The following WDPCP variants were observed in gnomAD, a reference collection of about 807,000 sequenced individuals.
WDPCP encodes WD repeat-containing and planar cell polarity effector protein fritz homolog.
A neutral mutation model predicts 93.1 loss-of-function variants in WDPCP; 71 were observed. The ratio of observed to expected loss-of-function variants is 0.76; its 90% confidence interval spans 0.63 to 0.93. The LOEUF (loss-of-function observed/expected upper bound fraction) is 0.93, where lower values mean the gene tolerates loss of function less well. Among genes scored for constraint, WDPCP ranks in the 40% least tolerant of loss-of-function variants. The pLI is 0.00. For synonymous variants in WDPCP, 315 were observed against 315.0 expected, an observed-to-expected ratio of 1.00 and a Z score of 0.00; for missense variants, 844 against 887.4, an observed-to-expected ratio of 0.95 and a Z score of 0.62.
intron 2 of WDPCP, among the ~76,000 whole-genome samples, chr2:63,718,479 G>A (rs1459737278): frequency 6.6e-6 from 1 of 152,064 alleles, no homozygotes; most frequent in East Asian, 1.9e-4. Flanking sequence ...ATCTCGTGGT[G>A]TTAATTTGCA....
At chr2:63,636,296 CA>C (rs1200104416) in intron 3 of WDPCP, among the ~76,000 whole-genome samples, 1 of 152,050 alleles carries the variant, frequency 6.6e-6, no homozygotes, top group Non-Finnish European at 1.5e-5. Flanking sequence ...TCAATAGATT[CA>C]ATACAATCTT....
At chr2:63,510,652 G>A (rs60183345) in intron 1 of WDPCP, among the ~76,000 whole-genome samples, 227 of 152,316 alleles carry the variant, frequency 1.5e-3, no homozygotes, top group African/African-American at 5.1e-3. Context: ...ATCTCTGTTT[G>A]CAGATGACAT....
intron 12 of WDPCP, among the ~76,000 whole-genome samples, chr2:63,332,345 T>C (rs945243332): frequency 2.5e-4 from 38 of 152,088 alleles, no homozygotes; most frequent in African/African-American, 7.2e-4. Flanking sequence ...ACATCTTATA[T>C]ATCCAAGAGC....
At chr2:63,522,070 C>CAT (rs1558749582) in intron 1 of WDPCP, among the ~76,000 whole-genome samples, 2 of 151,864 alleles carry the variant, frequency 1.3e-5, no homozygotes, top group African/African-American at 4.8e-5. Flanking sequence ...TTTTGGGATA[C>CAT]ATGTATAGAA....
chr2:63,717,777 C>T (rs1455321598), intron 2 of WDPCP: 1 of 339,522 alleles, frequency 2.9e-6, no homozygotes, highest in Admixed American at 3.9e-5. Context: ...CTACATAGTC[C>T]TATTTGGGGT....
At chr2:63,296,791 A>G (rs1398429695) in intron 13 of WDPCP, among the ~76,000 whole-genome samples, 2 of 147,166 alleles carry the variant, frequency 1.4e-5, no homozygotes, top group African/African-American at 4.8e-5. Flanking sequence ...GAAATCACAG[A>G]TGATACAAAA....
chr2:63,831,247 T>C (rs890557199), upstream of WDPCP, among the ~76,000 whole-genome samples: 4 of 152,210 alleles, frequency 2.6e-5, no homozygotes, highest in African/African-American at 7.2e-5. Flanking sequence ...TTCCACTGCA[T>C]TTAGGATAAA....
chr2:63,261,174 G>GT (rs149749511), intron 13 of WDPCP, among the ~76,000 whole-genome samples: 135 of 127,498 alleles, frequency 1.1e-3, no homozygotes, highest in African/African-American at 2.1e-3. Context: ...CTGTCGAAAG[G>GT]TTTTTTTTTT....
At chr2:63,442,237 A>T (rs1225258637) in intron 6 of WDPCP, 1 of 152,206 alleles carries the variant, frequency 6.6e-6, no homozygotes, top group Admixed American at 6.6e-5. Flanking sequence ...TGACAGTGTA[A>T]TTTAACCTCT....
At chr2:63,597,190 C>T in intron 3 of WDPCP, 2 of 769,496 alleles carry the variant, frequency 2.6e-6, no homozygotes, top group Non-Finnish European at 3.2e-6. Flanking sequence ...ATTATTGAAA[C>T]AGGAAAAGCA....
At chr2:63,190,683 T>C (rs1674978341) in intron 14 of WDPCP, among the ~76,000 whole-genome samples, 1 of 152,178 alleles carries the variant, frequency 6.6e-6, no homozygotes, top group Admixed American at 6.5e-5. Flanking sequence ...TGTGATTATA[T>C]TTTTGAAATA....
intron 1 of WDPCP, among the ~76,000 whole-genome samples, chr2:63,825,829 TA>T (rs907874531): frequency 6.6e-5 from 10 of 152,178 alleles, no homozygotes; most frequent in African/African-American, 2.4e-4. Context: ...TGGCTACAAC[TA>T]ACTCCAAAGA....
At chr2:63,207,450 A>G (rs533028029) in intron 14 of WDPCP, among the ~76,000 whole-genome samples, 3 of 152,282 alleles carry the variant, frequency 2.0e-5, no homozygotes, top group East Asian at 3.9e-4. Flanking sequence ...CTGCGGAACT[A>G]TGAGTCAATT....
At chr2:63,210,813 A>G (rs577169970) in intron 14 of WDPCP, among the ~76,000 whole-genome samples, 1 of 152,356 alleles carries the variant, frequency 6.6e-6, no homozygotes, top group South Asian at 2.1e-4. Flanking sequence ...ATTATATTCC[A>G]TGCCTGGATT....
At chr2:63,334,131 CA>C (rs1688182301) in intron 12 of WDPCP, among the ~76,000 whole-genome samples, 1 of 152,130 alleles carries the variant, frequency 6.6e-6, no homozygotes, top group South Asian at 2.1e-4. Flanking sequence ...TTAACAATAC[CA>C]AGTCTTTTAA....
At chr2:63,423,117 T>C (rs1489854504) in intron 9 of WDPCP, among the ~76,000 whole-genome samples, 1 of 152,204 alleles carries the variant, frequency 6.6e-6, no homozygotes, top group Non-Finnish European at 1.5e-5. Flanking sequence ...ACAGTTCTAT[T>C]TCCTCACTTG....
At chr2:63,299,231 A>C (rs1214524448) in intron 13 of WDPCP, among the ~76,000 whole-genome samples, 1 of 152,256 alleles carries the variant, frequency 6.6e-6, no homozygotes, top group African/African-American at 2.4e-5. Flanking sequence ...TACTGGGTCC[A>C]GCTTATGAAG....
intron 1 of WDPCP, among the ~76,000 whole-genome samples, chr2:63,537,592 T>G (rs1229792179): frequency 6.6e-6 from 1 of 152,128 alleles, no homozygotes; most frequent in Non-Finnish European, 1.5e-5. Context: ...CTTTGCCTTT[T>G]TACATATCAT....
chr2:63,787,232 T>C (rs1458120518), intron 2 of WDPCP, among the ~76,000 whole-genome samples: 1 of 152,204 alleles, frequency 6.6e-6, no homozygotes, highest in African/African-American at 2.4e-5. Flanking sequence ...GACAGAGTGC[T>C]GGAGATGGGC....
Sources: allele counts gnomAD v4.1 joint callset (sites outside exome capture counted in the v4.1 genomes callset), GRCh38; gene constraint gnomAD v4.1.1; transcripts MANE v1.5; gene names NCBI Gene and HGNC (gene_info 2026-07-23, HGNC 2026-07-21).